Variants in GMDS observed in about 807,000 individuals in gnomAD.
GMDS encodes the protein GDP-mannose 4,6-dehydratase, also known as GDP-mannose 4,6 dehydratase.
Under a neutral mutation model 49.9 loss-of-function variants are expected in GMDS, and 20 were observed. The ratio of observed to expected loss-of-function variants is 0.40; its 90% CI spans 0.28 to 0.58. GMDS has a LOEUF of 0.58. Among genes scored for constraint, GMDS ranks in the 20% least tolerant of loss-of-function variants. GMDS has a pLI of 0.42. For missense variants in GMDS, 362 were observed against 481.4 expected (o/e 0.75, Z 2.32); for synonymous variants, 177 against 178.6 (o/e 0.99, Z 0.07).
intron 9 of GMDS, among the ~76,000 whole-genome samples, chr6:1,671,317 C>T (rs1429735064): frequency 6.6e-6 from 1 of 152,168 alleles, no homozygotes; most frequent in Non-Finnish European, 1.5e-5. Flanking sequence ...ACTCGACGCC[C>T]TGTTTAGAGG....
At chr6:1,660,525 T>C (rs1202410945) in intron 9 of GMDS, among the ~76,000 whole-genome samples, 2 of 151,460 alleles carry the variant, frequency 1.3e-5, no homozygotes, top group African/African-American at 4.9e-5. Context: ...GGAGAACGGA[T>C]GTAGGGGGTC....
chr6:1,745,489 T>C lies in GMDS; in HGVS notation c.772-2903A>G, dbSNP rs181118745. ...CTACTGGTGGATCACTTGGAGAAAC[T>C]TGACTGTTGGCTACTGGTGGGTCAC... On this transcript the variant is annotated intron_variant, in intron 7 of 10. Coordinates refer to ENST00000380815, the MANE Select transcript of GMDS (RefSeq NM_001500.4). Among the ~76,000 whole-genome samples the C allele has an allele frequency of 4.0e-3, 613 of 151,704 alleles. 2 individuals carry two copies. The highest frequency in any genetic ancestry group is 0.014 in the African/African-American group (597 of 41,304).
intron 7 of GMDS, among the ~76,000 whole-genome samples, chr6:1,835,526 T>G (rs917855821): frequency 6.6e-6 from 1 of 152,240 alleles, no homozygotes; most frequent in African/African-American, 2.4e-5. Context: ...TAAAATAATC[T>G]TTAAAAATCT....
rs115895866 is a variant in GMDS at position 2,191,268 on chromosome 6, C to T, written c.102+54053G>A. On this transcript the variant is annotated intron_variant, in intron 1 of 10. Coordinates refer to ENST00000380815, the MANE Select transcript of GMDS (RefSeq NM_001500.4). This position sits in a 1 kb window ranked among gnomAD's most constrained non-coding sequence, Gnocchi z 4.6. Reference sequence around the variant, plus strand: ...GCACCCCCTGGGGAAGGGCCGCAAGCGGGATGAGGGGGAGCTCTAGGCTGC... The same window carrying T: ...GCACCCCCTGGGGAAGGGCCGCAAGTGGGATGAGGGGGAGCTCTAGGCTGC... 3.4e-3 allele frequency among the ~76,000 whole-genome samples: 515 copies of T among 152,262 alleles called. 2 individuals are homozygous for T. Among genetic ancestry groups the T allele is most frequent in the African/African-American group, 0.011 (472 of 41,556 alleles).
intron 8 of GMDS, among the ~76,000 whole-genome samples, chr6:1,727,816 T>A (rs1317071654): frequency 1.3e-5 from 2 of 152,230 alleles, no homozygotes; most frequent in Non-Finnish European, 2.9e-5. Flanking sequence ...ACCAATGGAC[T>A]CAAGGCAAGT....
chr6:1,857,737 C>G (rs896024324), intron 7 of GMDS, among the ~76,000 whole-genome samples: 1 of 152,176 alleles, frequency 6.6e-6, no homozygotes, highest in African/African-American at 2.4e-5. Context: ...AGACTGAGCC[C>G]TAGTCCATGT....
chr6:1,875,404 A>C (rs1194539691), intron 7 of GMDS, among the ~76,000 whole-genome samples: 14 of 152,120 alleles, frequency 9.2e-5, no homozygotes, highest in Admixed American at 9.2e-4. Context: ...ATTTAAAAAA[A>C]ATTTCAAACA....
chr6:1,859,691 T>A (rs753961653), intron 7 of GMDS, among the ~76,000 whole-genome samples: 2 of 152,142 alleles, frequency 1.3e-5, no homozygotes, highest in Non-Finnish European at 2.9e-5. Flanking sequence ...GAGTGAAGAC[T>A]GAGGTCTGCC....
chr6:2,135,530 A>G (rs1775949736), intron 1 of GMDS, among the ~76,000 whole-genome samples: 1 of 151,036 alleles, frequency 6.6e-6, no homozygotes, highest in Admixed American at 6.6e-5. Context: ...AATAAGAATA[A>G]GATGCATTTC....
chr6:1,723,313 A>ATTT (rs1192315523), intron 9 of GMDS, among the ~76,000 whole-genome samples: 3,313 of 71,504 alleles, frequency 0.046, 147 homozygotes, highest in African/African-American at 0.14. Flanking sequence ...TTTTTTTTTC[A>ATTT]AATTTTCTTT....
At chr6:2,053,701 G>C (rs751680246) in intron 4 of GMDS, among the ~76,000 whole-genome samples, 44 of 151,910 alleles carry the variant, frequency 2.9e-4, no homozygotes, top group Admixed American at 5.2e-4. Context: ...ACATAATTTT[G>C]AGAAATAAGG....
At chr6:1,826,909 T>C (rs951499264) in intron 7 of GMDS, among the ~76,000 whole-genome samples, 1 of 151,272 alleles carries the variant, frequency 6.6e-6, no homozygotes, top group Non-Finnish European at 1.5e-5. Flanking sequence ...AAAAAAAAGG[T>C]TTCTTTAATT....
chr6:1,767,105 CTTTTG>C (rs955957455), intron 7 of GMDS, among the ~76,000 whole-genome samples: 7 of 152,166 alleles, frequency 4.6e-5, no homozygotes, highest in South Asian at 4.1e-4. Flanking sequence ...TTTAATAATA[CTTTTG>C]TTTTCCTAGT....
At chr6:1,798,056 G>T (rs1471946117) in intron 7 of GMDS, among the ~76,000 whole-genome samples, 1 of 152,092 alleles carries the variant, frequency 6.6e-6, no homozygotes, top group African/African-American at 2.4e-5. Context: ...TGCAATTCTT[G>T]AACAAAGGAG....
At chr6:1,921,797 A>C (rs1761728142) in intron 7 of GMDS, among the ~76,000 whole-genome samples, 1 of 152,202 alleles carries the variant, frequency 6.6e-6, no homozygotes, top group Admixed American at 6.5e-5. Flanking sequence ...GATAAAGGAG[A>C]GACTATTTAT....
chr6:2,023,586 CTAAAA>C (rs1405370257), intron 4 of GMDS, among the ~76,000 whole-genome samples: 1 of 152,120 alleles, frequency 6.6e-6, no homozygotes, highest in Non-Finnish European at 1.5e-5. Context: ...AAAAGACTCT[CTAAAA>C]TAACTGTATT....
intron 7 of GMDS, among the ~76,000 whole-genome samples, chr6:1,781,421 C>T (rs1769079836): frequency 6.6e-6 from 1 of 152,212 alleles, no homozygotes; most frequent in Non-Finnish European, 1.5e-5. Flanking sequence ...CTACTCTGGG[C>T]CCTGGCCTGG....
intron 7 of GMDS, among the ~76,000 whole-genome samples, chr6:1,862,966 T>A (rs1758264099): frequency 6.6e-6 from 1 of 152,156 alleles, no homozygotes; most frequent in Non-Finnish European, 1.5e-5. Context: ...ATACTAAAGG[T>A]ATAGATAATT....
intron 8 of GMDS, among the ~76,000 whole-genome samples, chr6:1,731,544 G>GT (rs1766808632): frequency 6.6e-6 from 1 of 152,198 alleles, no homozygotes; most frequent in Non-Finnish European, 1.5e-5. Flanking sequence ...AGGCAATGGA[G>GT]TAACACCTTC....
Sources: gnomAD v4.1 joint callset for allele counts (sites outside exome capture counted in the v4.1 genomes callset) on GRCh38, gnomAD v4.1.1 for gene constraint, Gnocchi (gnomAD v3.1) non-coding constraint, MANE v1.5 for transcripts, NCBI Gene and HGNC (gene_info 2026-07-23, HGNC 2026-07-21) for gene names.